The following CACNA2D1 variants were observed in gnomAD, a reference collection of about 807,000 sequenced individuals.
The protein encoded by CACNA2D1 is calcium voltage-gated channel auxiliary subunit alpha2delta 1, also known as voltage-dependent calcium channel subunit alpha-2/delta-1.
A neutral mutation model predicts 171.5 loss-of-function variants in CACNA2D1; 53 were observed. The observed-to-expected ratio is 0.31, with a 90% CI of 0.25 to 0.39. CACNA2D1 has a LOEUF of 0.39. Ranked by LOEUF, CACNA2D1 falls within the 10% of genes least tolerant of loss-of-function variation. CACNA2D1 has a pLI of 1.00. For synonymous variants in CACNA2D1, 442 were observed against 443.1 expected (o/e 1.00, Z 0.03); for missense variants, 903 against 1,299.8 (o/e 0.69, Z 4.69).
At chr7:82,250,194 T>C (rs907206013) in intron 3 of CACNA2D1, among the ~76,000 whole-genome samples, 7 of 152,214 alleles carry the variant, frequency 4.6e-5, no homozygotes, top group African/African-American at 1.7e-4. Flanking sequence ...CACCTCTTAT[T>C]AGGCTCCACC....
At chr7:81,984,067 A>G (rs1489143994) in intron 22 of CACNA2D1, among the ~76,000 whole-genome samples, 2 of 152,184 alleles carry the variant, frequency 1.3e-5, no homozygotes, top group Non-Finnish European at 2.9e-5. Flanking sequence ...GGCTTAAAAA[A>G]ATTAATCCAT....
At chr7:81,964,931 G>A (rs1330864831) in intron 32 of CACNA2D1, among the ~76,000 whole-genome samples, 2 of 151,622 alleles carry the variant, frequency 1.3e-5, no homozygotes, top group Non-Finnish European at 2.9e-5. Context: ...ATAAAAAAAA[G>A]ATCAAATGCC....
chr7:82,339,633 G>A (rs1818378433), intron 2 of CACNA2D1, among the ~76,000 whole-genome samples: 1 of 152,154 alleles, frequency 6.6e-6, no homozygotes, highest in African/African-American at 2.4e-5. Context: ...ATAACGCACT[G>A]AGCCAATCAG....
chr7:82,428,009 T>C (rs752657430), intron 1 of CACNA2D1, among the ~76,000 whole-genome samples: 1 of 151,818 alleles, frequency 6.6e-6, no homozygotes, highest in Non-Finnish European at 1.5e-5. Context: ...GCCAACATAG[T>C]GAGATACCAA....
chr7:82,250,643 C>T (rs188193254), intron 3 of CACNA2D1, among the ~76,000 whole-genome samples: 167 of 152,190 alleles, frequency 1.1e-3, no homozygotes, highest in African/African-American at 3.9e-3. Flanking sequence ...TTAACAAATA[C>T]CAACTTCTAA....
At chr7:82,084,946 A>C in intron 6 of CACNA2D1, 46 bp from the exon 7 acceptor site, 1 of 1,429,974 alleles carries the variant, frequency 7.0e-7, no homozygotes, top group South Asian at 1.2e-5. Context: ...ATTTGTAATT[A>C]AAAACTGAAT....
At chr7:82,224,350 G>A (rs1453715926) in intron 3 of CACNA2D1, among the ~76,000 whole-genome samples, 1 of 152,136 alleles carries the variant, frequency 6.6e-6, no homozygotes. Flanking sequence ...CACTTTGGGA[G>A]GCCGAGGCGG....
rs531214451 is a variant in CACNA2D1, at chr7:82,048,270, AAGAT to A, written c.880-10039_880-10036del. Among the ~76,000 whole-genome samples the A allele has an allele frequency of 4.1e-3, 623 of 152,252 alleles. 8 individuals carry two copies. The highest frequency in any genetic ancestry group is 0.015 in the African/African-American group (604 of 41,522). ...GATTATGATATAAATTAATGACAAA[AAGAT>A]AGGTAAAGAAGATACCTATCAAACT... is the stretch of plus-strand genomic sequence containing the variant. On this transcript the variant is annotated intron_variant, in intron 10 of 38. Transcript: ENST00000356860.
intron 3 of CACNA2D1, among the ~76,000 whole-genome samples, chr7:82,273,652 T>A (rs1049368654): frequency 6.6e-6 from 1 of 152,090 alleles, no homozygotes; most frequent in East Asian, 1.9e-4. Context: ...CATGCCTGGA[T>A]TATTTTATTT....
intron 1 of CACNA2D1, among the ~76,000 whole-genome samples, chr7:82,439,996 C>T (rs10277216): frequency 0.025 from 3,802 of 151,816 alleles, 161 homozygotes; most frequent in African/African-American, 0.085. Flanking sequence ...AATATCCTGA[C>T]ATACAAAATT....
At chr7:82,097,878 C>T (rs769729738) in intron 6 of CACNA2D1, among the ~76,000 whole-genome samples, 4 of 146,660 alleles carry the variant, frequency 2.7e-5, no homozygotes, top group Non-Finnish European at 6.0e-5. Flanking sequence ...CTTTGGGAGG[C>T]CGAGGCAGGC....
chr7:82,393,268 A>G (rs370280291), intron 1 of CACNA2D1, among the ~76,000 whole-genome samples: 1 of 152,182 alleles, frequency 6.6e-6, no homozygotes, highest in East Asian at 1.9e-4. Context: ...GAAGTAACAG[A>G]AATGAATTTC....
chr7:82,075,462 G>A (rs1808851589), intron 7 of CACNA2D1, among the ~76,000 whole-genome samples: 1 of 152,172 alleles, frequency 6.6e-6, no homozygotes. Context: ...AGCACAGTAA[G>A]TTCTATGAGG....
rs1011698956 is a variant in CACNA2D1 at position 82,401,758 on chromosome 7, C to T, written c.95+41607G>A. ...AGATAAATAAGACATTCATTTATTC[C>T]CTCAAAATGCTGACTTCTAGAGACT... is the stretch of plus-strand genomic sequence containing the variant. On this transcript the variant is annotated intron_variant, in intron 1 of 38. Coordinates refer to ENST00000356860, the MANE Select transcript of CACNA2D1 (RefSeq NM_000722.4). Among the ~76,000 whole-genome samples the T allele has an allele frequency of 2.4e-4, 37 of 151,968 alleles. 1 individual carries two copies. The highest frequency in any genetic ancestry group is 8.7e-4 in the African/African-American group (36 of 41,454).
chr7:82,408,386 G>A (rs1303677732), intron 1 of CACNA2D1, among the ~76,000 whole-genome samples: 2 of 152,040 alleles, frequency 1.3e-5, no homozygotes, highest in East Asian at 3.9e-4. Context: ...AGCAGAGTGA[G>A]AAGAACAATG....
intron 25 of CACNA2D1, 90 bp from the exon 26 acceptor site, chr7:81,971,954 A>T (rs949661455): frequency 1.2e-5 from 10 of 807,410 alleles, no homozygotes; most frequent in African/African-American, 3.5e-5. Flanking sequence ...AAAGCAATTT[A>T]GAGTAGATAT....
chr7:82,443,799 G>T, upstream of CACNA2D1: 1 of 875,824 alleles, frequency 1.1e-6, no homozygotes, highest in Non-Finnish European at 1.5e-6. Flanking sequence ...TTTCCTCCCT[G>T]ATTTATTCCC....
At chr7:82,347,009 T>C (rs1309650667) in intron 2 of CACNA2D1, among the ~76,000 whole-genome samples, 1 of 152,214 alleles carries the variant, frequency 6.6e-6, no homozygotes, top group African/African-American at 2.4e-5. Flanking sequence ...CATATACAAC[T>C]GATGGACATA....
At chr7:82,162,558 C>T (rs1175293642) in intron 4 of CACNA2D1, among the ~76,000 whole-genome samples, 1 of 151,940 alleles carries the variant, frequency 6.6e-6, no homozygotes, top group East Asian at 1.9e-4. Context: ...AAATCCAGTA[C>T]AGACATCCAG....
Sources: gnomAD v4.1 joint callset for allele counts (sites outside exome capture counted in the v4.1 genomes callset) on GRCh38, gnomAD v4.1.1 for gene constraint, MANE v1.5 for transcripts, NCBI Gene and HGNC (gene_info 2026-07-23, HGNC 2026-07-21) for gene names.